TTLL11: variants seen among roughly 807,000 people sequenced by gnomAD.
The protein encoded by TTLL11 is tubulin tyrosine ligase like 11.
In TTLL11, 42 loss-of-function variants were observed where a neutral mutation model predicts 51.7. That is an observed-to-expected ratio of 0.81 (90% CI 0.64 to 1.05). TTLL11 has a LOEUF of 1.05. Among genes scored for constraint, TTLL11 ranks in the 50% least tolerant of loss-of-function variants. The probability of loss-of-function intolerance (pLI) is 0.00; values close to 1 mark genes in which losing one functional copy is unlikely to be tolerated. For missense variants in TTLL11, 799 were observed against 940.4 expected (o/e 0.85, Z 1.97); for synonymous variants, 381 against 383.5 (o/e 0.99, Z 0.08).
intron 6 of TTLL11, among the ~76,000 whole-genome samples, chr9:121,883,011 T>A (rs755716420): frequency 9.2e-5 from 14 of 152,150 alleles, no homozygotes; most frequent in Non-Finnish European, 1.9e-4. Context: ...CATGATTGTG[T>A]AAGTAAAGTA....
intron 6 of TTLL11, among the ~76,000 whole-genome samples, chr9:121,892,133 T>TATATAGATAC (rs1554766014): frequency 6.8e-6 from 1 of 146,894 alleles, no homozygotes; most frequent in Non-Finnish European, 1.5e-5. Context: ...CTTCTACCTT[T>TATATAGATAC]ATATATATAC....
intron 1 of TTLL11, among the ~76,000 whole-genome samples, 178 bp downstream of exon 1, chr9:122,092,509 G>T (rs117605746): frequency 0.02 from 3,099 of 152,268 alleles, 37 homozygotes; most frequent in Non-Finnish European, 0.031. Context: ...TGGAGGAAGT[G>T]ATTTTGGGGG....
chr9:121,974,928 C>T lies in TTLL11; in HGVS notation c.1321G>A (p.Glu441Lys). The T allele has an allele frequency of 6.5e-7, 1 of 1,543,552 alleles. No individual in the cohort carries two copies. Among genetic ancestry groups the T allele is most frequent in the Non-Finnish European group, 8.7e-7 (1 of 1,145,404 alleles). The stretch of plus-strand genomic sequence containing the variant: ...CTCATACTGGGATTTGCATTTACTT[C>T]AAGTAGTATAGGCTTCAGATTTTTC... ...LMKNLKPILL[E>K]VNANPSMRIE... The change falls in exon 5 of 9, where the codon GAA becomes AAA. Residue 441 changes from glutamate (E) to lysine (K), a missense_variant. Around this residue, in one of 3 missense-constraint regions of TTLL11, gnomAD observed 468 missense variants for 612.8 expected, o/e 0.76. Coordinates refer to ENST00000321582, the MANE Select transcript of TTLL11 (RefSeq NM_001139442.2).
chr9:122,075,776 T>C (rs902086230), intron 1 of TTLL11, among the ~76,000 whole-genome samples: 8 of 152,218 alleles, frequency 5.3e-5, no homozygotes, highest in African/African-American at 1.9e-4. Flanking sequence ...AGCTATGTTA[T>C]CATGGAAAGT....
chr9:121,873,635 TCCTC>T (rs1195823029), intron 6 of TTLL11, among the ~76,000 whole-genome samples: 18 of 148,232 alleles, frequency 1.2e-4, no homozygotes, highest in East Asian at 6.0e-4. Context: ...CTCCTCCTCC[TCCTC>T]CTCTCTTCTT....
At chr9:121,871,673 C>T (rs1238587674) in intron 6 of TTLL11, among the ~76,000 whole-genome samples, 1 of 152,192 alleles carries the variant, frequency 6.6e-6, no homozygotes, top group Non-Finnish European at 1.5e-5. Context: ...CCACTGAGGA[C>T]TCCCAAGTCT....
chr9:121,862,995 G>A (rs1277302648), intron 7 of TTLL11, among the ~76,000 whole-genome samples: 1 of 152,148 alleles, frequency 6.6e-6, no homozygotes, highest in Non-Finnish European at 1.5e-5. Context: ...GCCCAGACGA[G>A]CCTGGTGCTC....
At chr9:121,849,924 T>C (rs1217247940) in intron 8 of TTLL11, among the ~76,000 whole-genome samples, 1 of 152,234 alleles carries the variant, frequency 6.6e-6, no homozygotes, top group African/African-American at 2.4e-5. Flanking sequence ...TAAAATGGTG[T>C]AGTATTTGCA....
chr9:122,075,499 T>C (rs537474892), intron 1 of TTLL11, among the ~76,000 whole-genome samples: 2 of 152,368 alleles, frequency 1.3e-5, no homozygotes, highest in Admixed American at 1.3e-4. Context: ...CTTATTAAAC[T>C]GTCACACAGC....
chr9:121,953,459 C>G (rs12379064), intron 6 of TTLL11, among the ~76,000 whole-genome samples: 1 of 151,572 alleles, frequency 6.6e-6, no homozygotes, highest in South Asian at 2.1e-4. Context: ...TGGTGAAACC[C>G]CATCTCTACT....
At chr9:121,895,241 A>C (rs940274811) in intron 6 of TTLL11, among the ~76,000 whole-genome samples, 1 of 152,150 alleles carries the variant, frequency 6.6e-6, no homozygotes, top group Non-Finnish European at 1.5e-5. Flanking sequence ...TAATGTTCAC[A>C]ATGAACCTCA....
At position 121,974,920 on chromosome 9, in the gene TTLL11, A is replaced by C; in HGVS notation, c.1329T>G (p.Asn443Lys). ...GTTCGATTCTCATACTGGGATTTGC[A>C]TTTACTTCAAGTAGTATAGGCTTCA... Reference protein sequence around the residue: ...KNLKPILLEVNANPSMRIEHE... With the variant: ...KNLKPILLEVKANPSMRIEHE... The change falls in exon 5 of 9, where the codon AAT (asparagine) becomes AAG (lysine). Residue 443 changes from asparagine (N) to lysine (K), a missense_variant. Transcript: ENST00000321582. 2 of 1,543,796 alleles carry C rather than the reference A, an allele frequency of 1.3e-6. No individual in the cohort carries two copies. The highest frequency in any genetic ancestry group is 8.7e-7 in the Non-Finnish European group (1 of 1,145,476).
intron 8 of TTLL11, among the ~76,000 whole-genome samples, chr9:121,848,463 AT>A (rs1489974878): frequency 6.6e-6 from 1 of 152,244 alleles, no homozygotes; most frequent in East Asian, 1.9e-4. Context: ...AAGAAATAAA[AT>A]TTTCTGTGTT....
chr9:121,969,034 T>C (rs753839917), intron 6 of TTLL11, among the ~76,000 whole-genome samples: 2 of 151,934 alleles, frequency 1.3e-5, no homozygotes, highest in Non-Finnish European at 2.9e-5. Context: ...CATGCCCAGC[T>C]AATTTTTGTA....
chr9:122,055,902 A>G (rs1845280507), intron 1 of TTLL11, among the ~76,000 whole-genome samples: 1 of 152,252 alleles, frequency 6.6e-6, no homozygotes, highest in Non-Finnish European at 1.5e-5. Context: ...AGCAAACTGC[A>G]TGGGCAAAGA....
chr9:121,965,753 G>A (rs944160808), intron 6 of TTLL11, among the ~76,000 whole-genome samples: 3 of 152,164 alleles, frequency 2.0e-5, no homozygotes, highest in African/African-American at 4.8e-5. Context: ...ACTCCTCTTC[G>A]TTATTTTTGA....
chr9:121,905,581 G>A (rs1025810281), intron 6 of TTLL11, among the ~76,000 whole-genome samples: 2 of 152,068 alleles, frequency 1.3e-5, no homozygotes, highest in African/African-American at 4.8e-5. Context: ...TTGAACTCCT[G>A]AGCTCAGACA....
chr9:121,874,756 A>ATT (rs35998915), intron 6 of TTLL11, among the ~76,000 whole-genome samples: 18,080 of 137,504 alleles, frequency 0.13, 1,214 homozygotes, highest in Middle Eastern at 0.16. Context: ...CAGAGGCATA[A>ATT]TTTTTTTTTT....
chr9:121,923,765 C>G (rs1293880958), intron 6 of TTLL11, among the ~76,000 whole-genome samples: 2 of 152,210 alleles, frequency 1.3e-5, no homozygotes, highest in Non-Finnish European at 2.9e-5. Context: ...CTCTCTTTCG[C>G]TCCCAGGAAA....
Sources: gnomAD v4.1 joint callset for allele counts (sites outside exome capture counted in the v4.1 genomes callset) on GRCh38, gnomAD v4.1.1 for gene constraint, gnomAD v4.1.1 regional missense constraint, MANE v1.5 for transcripts, NCBI Gene and HGNC (gene_info 2026-07-23, HGNC 2026-07-21) for gene names.